The following PHACTR2 variants were observed in gnomAD, a reference collection of about 807,000 sequenced individuals.
PHACTR2 encodes phosphatase and actin regulator 2.
Under a neutral mutation model 76.0 loss-of-function variants are expected in PHACTR2, and 30 were observed. The ratio of observed to expected loss-of-function variants is 0.39; its 90% CI spans 0.30 to 0.54. The LOEUF (loss-of-function observed/expected upper bound fraction) is 0.54. Among genes scored for constraint, PHACTR2 ranks in the 20% least tolerant of loss-of-function variants. PHACTR2 has a pLI of 0.61. For missense variants in PHACTR2, 696 were observed against 781.1 expected, an observed-to-expected ratio of 0.89 and a Z score of 1.30; for synonymous variants, 292 against 292.5, an observed-to-expected ratio of 1.00 and a Z score of 0.02.
At chr6:143,812,614 A>G (rs1052308768) in intron 12 of PHACTR2, among the ~76,000 whole-genome samples, 1 of 152,208 alleles carries the variant, frequency 6.6e-6, no homozygotes, top group Non-Finnish European at 1.5e-5. Context: ...AATGGATGCT[A>G]GGGCAAGAAA....
At chr6:143,576,528 TA>T (rs1775515291) in intron 1 of PHACTR2, among the ~76,000 whole-genome samples, 1 of 152,240 alleles carries the variant, frequency 6.6e-6, no homozygotes, top group Non-Finnish European at 1.5e-5. Flanking sequence ...TTTTCAGTTT[TA>T]AAACAGAAGT....
Position 143,765,818 on chromosome 6 carries a change from C to T in PHACTR2, c.1232+20C>T, listed in dbSNP as rs781277505. The T allele has an allele frequency of 1.9e-6, 3 of 1,581,286 alleles. No individual in the cohort carries two copies. The East Asian group carries it at 6.8e-5, about 36-fold the overall frequency. ...AAAATGGTGAGTTGGGGAACAAACC[C>T]CCTATTTTATCTGAGAACTAAAGAT... is the stretch of plus-strand genomic sequence containing the variant. On this transcript the variant is annotated intron_variant, in intron 6 of 12. Transcript: ENST00000440869. This position sits in a 1 kb window ranked among gnomAD's most constrained non-coding sequence, Gnocchi z 4.1.
intron 1 of PHACTR2, among the ~76,000 whole-genome samples, chr6:143,685,688 G>GAA (rs145706092): frequency 0.065 from 5,046 of 78,216 alleles, 316 homozygotes; most frequent in African/African-American, 0.17. Context: ...GCAATTAAAT[G>GAA]AAAAAAAAAA....
rs1307595389 is a variant in PHACTR2 at position 143,742,297 on chromosome 6, C to T, written c.215-6688C>T. On this transcript the variant is annotated intron_variant, in intron 2 of 12. Transcript: ENST00000440869. The surrounding 1 kb of genome is among the most constrained non-coding windows in gnomAD (Gnocchi z 4.5). ...AAGCTATCTCATTAAGAACCTGTCT[C>T]GCTCCCTCTTTTGAGTCTGTATTTC... 2.6e-5 allele frequency among the ~76,000 whole-genome samples: 4 copies of T among 152,126 alleles called. No homozygotes were observed. The highest frequency in any genetic ancestry group is 1.9e-4 in the East Asian group (1 of 5,190).
intron 11 of PHACTR2, among the ~76,000 whole-genome samples, chr6:143,798,868 C>G (rs998797990): frequency 3.3e-5 from 5 of 152,150 alleles, no homozygotes; most frequent in African/African-American, 9.7e-5. Flanking sequence ...GTGTCTCTGC[C>G]AGGCTTTGGT....
At position 143,784,036 on chromosome 6, in the gene PHACTR2, G is replaced by A. The variant is rs1400437362; in HGVS notation, c.1707+756G>A. ...ATTAATCTCGCTTGATTAGAACAATGAAAAAAAAAAAGAAAAAAAGAAGTG... is the reference window on the plus strand; with the variant it reads ...ATTAATCTCGCTTGATTAGAACAATAAAAAAAAAAAAGAAAAAAAGAAGTG... On this transcript the variant is annotated intron_variant, in intron 10 of 12. Transcript: ENST00000440869. The surrounding 1 kb of genome is among the most constrained non-coding windows in gnomAD (Gnocchi z 4.5). 1.3e-4 allele frequency among the ~76,000 whole-genome samples: 19 copies of A among 144,346 alleles called. No homozygotes were observed. The highest frequency in any genetic ancestry group is 1.4e-4 in the Non-Finnish European group (9 of 66,214). 94.7% of individuals were successfully genotyped at this position (144,346 alleles called of 152,430 possible).
Position 143,665,007 on chromosome 6 carries a change from C to A in PHACTR2, c.14-47009C>A, listed in dbSNP as rs555163368. Among the ~76,000 whole-genome samples, 11 of 152,132 alleles carry A rather than the reference C, an allele frequency of 7.2e-5. No homozygotes were observed. In the Middle Eastern group the frequency reaches 0.01, roughly 141 times the overall value. ...TAGAGATGGGGTTTCACCATGTTGG[C>A]CAAGCTGGTCTGAACTCCTGACCTC... On this transcript the variant is annotated intron_variant, in intron 1 of 11. Coordinates refer to the PHACTR2 transcript ENST00000305766.
In PHACTR2 at chr6:143,803,562, A is replaced by T. The variant is rs983336773; in HGVS notation, c.1846-3495A>T. On this transcript the variant is annotated intron_variant, in intron 11 of 12. Coordinates refer to ENST00000440869, the MANE Select transcript of PHACTR2 (RefSeq NM_001100164.2). The surrounding 1 kb of genome is among the most constrained non-coding windows in gnomAD (Gnocchi z 4.7). ...GACCCTGTCTCAAATAAATAAAAAT[A>T]AATAAATGAATATAAAAACTGTTCT... Among the ~76,000 whole-genome samples the T allele has an allele frequency of 1.3e-5, 2 of 152,200 alleles. No individual in the cohort carries two copies. The highest frequency in any genetic ancestry group is 1.3e-4 in the Admixed American group (2 of 15,276).
At chr6:143,706,034 T>C (rs998011479) in intron 1 of PHACTR2, among the ~76,000 whole-genome samples, 1 of 152,256 alleles carries the variant, frequency 6.6e-6, no homozygotes, top group Admixed American at 6.5e-5. Context: ...ATGTTTATTT[T>C]ATACTTTGGG....
rs890931633 is a variant in PHACTR2, at chr6:143,789,325, A to G, written c.1845+415A>G. On this transcript the variant is annotated intron_variant, in intron 11 of 12. Transcript: ENST00000440869. The surrounding 1 kb of genome is among the most constrained non-coding windows in gnomAD (Gnocchi z 5.1). ...TAGTTTAGGCTATGTGGGCCATACA[A>G]TCTTTGTTGCAACTGCCCAGTTCTG... The G allele has an allele frequency of 2.1e-4, 33 of 157,584 alleles. No homozygotes were observed. Among genetic ancestry groups the G allele is most frequent in the Admixed American group, 3.0e-4 (5 of 16,454 alleles). The allele number at this position is 157,584 out of a possible 1,614,324, so 9.8% of individuals were successfully genotyped here.
rs1009552599 is a variant in PHACTR2 at position 143,739,600 on chromosome 6, T to C, written c.215-9385T>C. On this transcript the variant is annotated intron_variant, in intron 2 of 12. Transcript: ENST00000440869. This position sits in a 1 kb window ranked among gnomAD's most constrained non-coding sequence, Gnocchi z 4.3. ...CTGTCTTAGGCATTCGTGTTTCTTA[T>C]GAGTTTGCGAGAGTCCGAGTGAAGG... Among the ~76,000 whole-genome samples, 1 of 152,234 alleles carries C rather than the reference T, an allele frequency of 6.6e-6. No individual in the cohort carries two copies. The highest frequency in any genetic ancestry group is 2.4e-5 in the African/African-American group (1 of 41,470).
chr6:143,704,025 T>C (rs1165860224), intron 1 of PHACTR2, among the ~76,000 whole-genome samples: 1 of 152,012 alleles, frequency 6.6e-6, no homozygotes, highest in Non-Finnish European at 1.5e-5. Context: ...TGGCATTACT[T>C]TAAAAGGTCA....
Position 143,608,373 on chromosome 6 carries a change from C to CCGCA in PHACTR2, c.13+52_13+55dup. On this transcript the variant is annotated intron_variant, in intron 1 of 11. Coordinates refer to the PHACTR2 transcript ENST00000305766. The surrounding 1 kb of genome is among the most constrained non-coding windows in gnomAD (Gnocchi z 4.6). ...CATAGCTGCTGGCTTCCTTTGCAGCCCGCATCCTTTACTGCGGAAGGTTTG... is the reference window on the plus strand; with the variant it reads ...CATAGCTGCTGGCTTCCTTTGCAGCCCGCACGCATCCTTTACTGCGGAAGGTTTG... The CCGCA allele has an allele frequency of 6.3e-7, 1 of 1,594,690 alleles. No homozygotes were observed. Among genetic ancestry groups the CCGCA allele is most frequent in the Non-Finnish European group, 8.6e-7 (1 of 1,162,630 alleles).
In PHACTR2 at chr6:143,598,596, G is replaced by GA. The variant is rs1160621275; in HGVS notation, c.217+61390dup. On this transcript the variant is annotated intron_variant, in intron 1 of 11. Transcript: ENST00000367584. This position sits in a 1 kb window ranked among gnomAD's most constrained non-coding sequence, Gnocchi z 4.1. ...AAAGCAGAAGTGTGGGCCAGGGAGG[G>GA]ATCGCAGTCATCTGATGGCAAAGCA... Among the ~76,000 whole-genome samples, 2 of 152,188 alleles carry GA rather than the reference G, an allele frequency of 1.3e-5. No individual in the cohort carries two copies. The highest frequency in any genetic ancestry group is 2.9e-5 in the Non-Finnish European group (2 of 68,032).
rs1777155456 is a variant in PHACTR2 at position 143,671,671 on chromosome 6, C to T, written c.14-40345C>T. ...AATTCTGTCTCCTAAGTACCTAGAACAAAGACTGGTAAAAAGGAGATGCAT... is the reference window on the plus strand; with the variant it reads ...AATTCTGTCTCCTAAGTACCTAGAATAAAGACTGGTAAAAAGGAGATGCAT... On this transcript the variant is annotated intron_variant, in intron 1 of 11. Coordinates refer to the PHACTR2 transcript ENST00000305766. This position sits in a 1 kb window ranked among gnomAD's most constrained non-coding sequence, Gnocchi z 4.6. Among the ~76,000 whole-genome samples the T allele has an allele frequency of 2.0e-5, 3 of 152,118 alleles. No homozygotes were observed. Among genetic ancestry groups the T allele is most frequent in the African/African-American group, 7.2e-5 (3 of 41,392 alleles).
In PHACTR2 at chr6:143,679,752, T is replaced by C. The variant is rs1331091762; in HGVS notation, c.46+1543T>C. ...AATAAAATCCTAAAGTGAGACTCCC[T>C]ACGTCTTAGTACAGCAAAAAAACCC... On this transcript the variant is annotated intron_variant, in intron 1 of 12. Coordinates refer to ENST00000440869, the MANE Select transcript of PHACTR2 (RefSeq NM_001100164.2). The surrounding 1 kb of genome is among the most constrained non-coding windows in gnomAD (Gnocchi z 4.6). Among the ~76,000 whole-genome samples, 1 of 147,222 alleles carries C rather than the reference T, an allele frequency of 6.8e-6. No individual in the cohort carries two copies. Among genetic ancestry groups the C allele is most frequent in the East Asian group, 1.9e-4 (1 of 5,160 alleles).
At position 143,807,634 on chromosome 6, in the gene PHACTR2, C is replaced by T. The variant is rs1318929542; in HGVS notation, c.1922+501C>T. Among the ~76,000 whole-genome samples the T allele has an allele frequency of 1.3e-5, 2 of 152,136 alleles. No individual in the cohort carries two copies. Among genetic ancestry groups the T allele is most frequent in the Non-Finnish European group, 2.9e-5 (2 of 68,024 alleles). ...AGATGCTGGCGAGAGTCAGTGTGGG[C>T]ACATACATAACACTTTGGTTTCACA... On this transcript the variant is annotated intron_variant, in intron 12 of 12. Coordinates refer to ENST00000440869, the MANE Select transcript of PHACTR2 (RefSeq NM_001100164.2). This position sits in a 1 kb window ranked among gnomAD's most constrained non-coding sequence, Gnocchi z 5.5.
Position 143,743,333 on chromosome 6 carries a change from G to T in PHACTR2, c.215-5652G>T, listed in dbSNP as rs1778985857. The stretch of plus-strand genomic sequence containing the variant: ...ATGGAAGGAAAGTGATGGGAAAAAT[G>T]GTTCGCTGGGACGGGTTGTAAAGCT... On this transcript the variant is annotated intron_variant, in intron 2 of 12. Transcript: ENST00000440869. This position sits in a 1 kb window ranked among gnomAD's most constrained non-coding sequence, Gnocchi z 5.0. Among the ~76,000 whole-genome samples, 1 of 152,206 alleles carries T rather than the reference G, an allele frequency of 6.6e-6. No homozygotes were observed. The highest frequency in any genetic ancestry group is 2.4e-5 in the African/African-American group (1 of 41,454).
chr6:143,626,836 C>T (rs1249951366), intron 1 of PHACTR2, among the ~76,000 whole-genome samples: 1 of 152,122 alleles, frequency 6.6e-6, no homozygotes, highest in South Asian at 2.1e-4. Flanking sequence ...AGAATTTAAA[C>T]AACCAAGGAG....
Sources: gnomAD v4.1 joint callset for allele counts (sites outside exome capture counted in the v4.1 genomes callset) on GRCh38, gnomAD v4.1.1 for gene constraint, Gnocchi (gnomAD v3.1) non-coding constraint, MANE v1.5 for transcripts, NCBI Gene and HGNC (gene_info 2026-07-23, HGNC 2026-07-21) for gene names.